Variants in SUMF1 observed in about 807,000 individuals in gnomAD.
SUMF1 encodes sulfatase modifying factor 1, also known as formylglycine-generating enzyme.
A neutral mutation model predicts 47.6 loss-of-function variants in SUMF1; 48 were observed. That is an observed-to-expected ratio of 1.01 (90% confidence interval 0.80 to 1.28). SUMF1 has a LOEUF of 1.28. Ranked by LOEUF, SUMF1 falls within the 50% of genes most tolerant of loss-of-function variation. The pLI is 0.00. For missense variants in SUMF1, 571 were observed against 485.4 expected, an observed-to-expected ratio of 1.18 and a Z score of -1.66; for synonymous variants, 230 against 192.1, an observed-to-expected ratio of 1.20 and a Z score of -1.63.
At chr3:4,348,735 T>C (rs1377596225) in intron 8 of SUMF1, among the ~76,000 whole-genome samples, 2 of 147,910 alleles carry the variant, frequency 1.4e-5, no homozygotes, top group Non-Finnish European at 3.0e-5. Flanking sequence ...ATTAGCCAGG[T>C]GTGGTGGCAC....
chr3:4,235,759 AT>A (rs1247890198), intron 8 of SUMF1, among the ~76,000 whole-genome samples: 3 of 151,926 alleles, frequency 2.0e-5, no homozygotes, highest in Non-Finnish European at 4.4e-5. Flanking sequence ...ATCTGCTGAT[AT>A]TTTTTATGCA....
At chr3:4,203,497 C>T (rs1165749384) in intron 8 of SUMF1, among the ~76,000 whole-genome samples, 1 of 151,780 alleles carries the variant, frequency 6.6e-6, no homozygotes. Flanking sequence ...AAGTGTTTTT[C>T]TTGTAGGCAA....
intron 8 of SUMF1, among the ~76,000 whole-genome samples, chr3:4,327,932 A>T (rs1182810857): frequency 3.3e-5 from 5 of 152,212 alleles, no homozygotes; most frequent in Admixed American, 2.0e-4. Flanking sequence ...AAAAGCAAAA[A>T]CCACTGCACT....
intron 8 of SUMF1, among the ~76,000 whole-genome samples, chr3:4,233,673 CTGTT>C (rs1161307037): frequency 6.6e-6 from 1 of 152,128 alleles, no homozygotes; most frequent in Admixed American, 6.6e-5. Flanking sequence ...TCATGAAAGA[CTGTT>C]TGGGCACAGA....
intron 8 of SUMF1, among the ~76,000 whole-genome samples, chr3:4,151,653 G>C (rs1410205194): frequency 2.1e-5 from 3 of 145,730 alleles, no homozygotes; most frequent in Non-Finnish European, 4.5e-5. Flanking sequence ...GGAAGAAGAA[G>C]AATTGATTTG....
intron 7 of SUMF1, among the ~76,000 whole-genome samples, chr3:4,387,797 T>A (rs1397103005): frequency 1.3e-5 from 2 of 152,092 alleles, no homozygotes; most frequent in African/African-American, 4.8e-5. Flanking sequence ...CAGTGCACTG[T>A]TTGATTCACC....
chr3:4,239,009 C>T (rs922019677), intron 8 of SUMF1, among the ~76,000 whole-genome samples: 2 of 152,128 alleles, frequency 1.3e-5, no homozygotes, highest in African/African-American at 4.8e-5. Flanking sequence ...CCAGCTTTCC[C>T]AACACCATTT....
Position 4,086,100 on chromosome 3 carries a change from C to T in SUMF1, c.1015-17355G>A, listed in dbSNP as rs183969063. Among the ~76,000 whole-genome samples, 937 of 151,202 alleles carry T rather than the reference C, an allele frequency of 6.2e-3. 13 individuals carry two copies. Among genetic ancestry groups the T allele is most frequent in the African/African-American group, 0.021 (863 of 41,092 alleles). On this transcript the variant is annotated intron_variant and NMD_transcript_variant, in intron 8 of 12. Coordinates refer to the SUMF1 transcript ENST00000448413. ...AGGCTGGGGTTCTAAACACAGAGAA[C>T]ACAGAAACAAGGGCCATTAAACAAC...
chr3:4,118,280 CAG>C (rs903213555), intron 8 of SUMF1, among the ~76,000 whole-genome samples: 4 of 150,932 alleles, frequency 2.7e-5, no homozygotes, highest in Non-Finnish European at 5.9e-5. Flanking sequence ...GAAAAAGAAA[CAG>C]AGAACAAAAA....
intron 8 of SUMF1, among the ~76,000 whole-genome samples, chr3:4,340,750 G>A (rs1166720978): frequency 6.6e-6 from 1 of 152,192 alleles, no homozygotes; most frequent in Non-Finnish European, 1.5e-5. Flanking sequence ...GTGAGAGCAA[G>A]AATGACTCTG....
At chr3:4,097,516 G>A (rs932978328) in intron 8 of SUMF1, among the ~76,000 whole-genome samples, 4 of 152,052 alleles carry the variant, frequency 2.6e-5, no homozygotes, top group Non-Finnish European at 5.9e-5. Flanking sequence ...TCACACCACT[G>A]CACTCCAGCC....
At chr3:4,058,054 A>G (rs1014652161) in intron 9 of SUMF1, among the ~76,000 whole-genome samples, 2 of 152,140 alleles carry the variant, frequency 1.3e-5, no homozygotes, top group African/African-American at 2.4e-5. Flanking sequence ...GTATATAGTA[A>G]CTTATTAAAT....
intron 3 of SUMF1, among the ~76,000 whole-genome samples, chr3:4,446,020 C>G (rs1481836994): frequency 1.3e-5 from 2 of 152,168 alleles, no homozygotes; most frequent in East Asian, 3.9e-4. Context: ...ATCTTAAAAG[C>G]TAGTAAAGAA....
At chr3:4,338,463 C>T (rs1194011072) in intron 8 of SUMF1, among the ~76,000 whole-genome samples, 1 of 152,136 alleles carries the variant, frequency 6.6e-6, no homozygotes, top group African/African-American at 2.4e-5. Context: ...TCTGGTTGAA[C>T]CACCTTGACA....
intron 8 of SUMF1, among the ~76,000 whole-genome samples, chr3:4,132,996 CAACCTGCTT>C (rs1168996311): frequency 6.6e-6 from 1 of 152,116 alleles, no homozygotes; most frequent in African/African-American, 2.4e-5. Context: ...AAAAAAACCA[CAACCTGCTT>C]AGGTGCTTGG....
intron 9 of SUMF1, among the ~76,000 whole-genome samples, chr3:4,053,710 G>A (rs944018129): frequency 6.6e-6 from 1 of 152,058 alleles, no homozygotes; most frequent in African/African-American, 2.4e-5. Context: ...TGAAGTGGAA[G>A]GAAATTAATC....
intron 8 of SUMF1, among the ~76,000 whole-genome samples, chr3:4,261,833 C>G (rs1394395959): frequency 6.6e-6 from 1 of 152,204 alleles, no homozygotes; most frequent in Non-Finnish European, 1.5e-5. Flanking sequence ...CTGCTGGCAC[C>G]TGAGTACTGA....
intron 8 of SUMF1, among the ~76,000 whole-genome samples, chr3:4,176,051 T>C (rs1694952821): frequency 6.6e-6 from 1 of 152,120 alleles, no homozygotes; most frequent in Non-Finnish European, 1.5e-5. Context: ...AAAGACCAAA[T>C]CTACATTTGA....
At chr3:4,313,544 A>T (rs1170742154) in intron 8 of SUMF1, 15 of 1,613,972 alleles carry the variant, frequency 9.3e-6, no homozygotes, top group Non-Finnish European at 1.3e-5. Flanking sequence ...AGATATCTTA[A>T]TCTAACAGTC....
Sources: allele counts gnomAD v4.1 joint callset (sites outside exome capture counted in the v4.1 genomes callset), GRCh38; gene constraint gnomAD v4.1.1; transcripts MANE v1.5; gene names NCBI Gene and HGNC (gene_info 2026-07-23, HGNC 2026-07-21).